Variants in PPM1H observed in about 807,000 individuals in gnomAD.
PPM1H encodes the protein protein phosphatase, Mg2+/Mn2+ dependent 1H.
PPM1H carries 27 observed loss-of-function variants against 54.9 expected under a neutral mutation model. The observed-to-expected ratio is 0.49, with a 90% CI of 0.36 to 0.68. The LOEUF (loss-of-function observed/expected upper bound fraction) is 0.68, where lower values mean the gene tolerates loss of function less well. Ranked by LOEUF, PPM1H falls within the 30% of genes least tolerant of loss-of-function variation. PPM1H has a pLI of 0.00. For missense variants in PPM1H, 596 were observed against 667.8 expected, an observed-to-expected ratio of 0.89 and a Z score of 1.19; for synonymous variants, 305 against 270.8, an observed-to-expected ratio of 1.13 and a Z score of -1.24.
rs760993330 is a variant in PPM1H, at chr12:62,801,890, G to A, written c.682C>T (p.Arg228Cys). The A allele has an allele frequency of 3.1e-6, 5 of 1,613,854 alleles. No homozygotes were observed. Among genetic ancestry groups the A allele is most frequent in the Admixed American group, 1.7e-5 (1 of 60,026 alleles). ...GGAATCTTCTTCTCGGTAAAGAAGC[G>A]TGTGGGGGGCGTGCTGGGGGAGCCC... ...APGSPSTPPT[R>C]FFTEKKIPHE... The change falls in exon 3 of 10, where the codon CGC (arginine) becomes TGC (cysteine). Residue 228 changes from arginine (R) to cysteine (C), a missense_variant. By Grantham distance (180) the Arg-to-Cys change is radical. Coordinates refer to ENST00000228705, the MANE Select transcript of PPM1H (RefSeq NM_020700.2).
rs974539334 is a variant in PPM1H at position 62,644,248 on chromosome 12, G to T, written c.*4241C>A. The T allele has an allele frequency of 2.0e-5, 3 of 152,130 alleles. No individual in the cohort carries two copies. Among genetic ancestry groups the T allele is most frequent in the African/African-American group, 7.2e-5 (3 of 41,418 alleles). 9.4% of individuals were successfully genotyped at this position (152,130 alleles called of 1,614,324 possible). A position where few individuals can be genotyped will look rare whatever the true frequency, so the allele number is the denominator to read the frequency against. ...GTACTAGGGTAGTTTTGGAAACCCA[G>T]ACCATGATCCATTCCTTACAAATGA... On this transcript the variant is annotated 3_prime_UTR_variant, in exon 10 of 10. Coordinates refer to ENST00000228705, the MANE Select transcript of PPM1H (RefSeq NM_020700.2).
At chr12:62,663,536 C>A (rs2075898194) in intron 9 of PPM1H, among the ~76,000 whole-genome samples, 1 of 152,060 alleles carries the variant, frequency 6.6e-6, no homozygotes, top group Non-Finnish European at 1.5e-5. Context: ...CCATGTAGCT[C>A]AAAGGACCGT....
chr12:62,821,422 C>G (rs1188342406), intron 2 of PPM1H, among the ~76,000 whole-genome samples: 1 of 152,084 alleles, frequency 6.6e-6, no homozygotes, highest in Non-Finnish European at 1.5e-5. Flanking sequence ...ATACAGAGAC[C>G]ACCACAAAGA....
At chr12:62,904,292 G>A (rs1028361390) in intron 1 of PPM1H, among the ~76,000 whole-genome samples, 5 of 151,918 alleles carry the variant, frequency 3.3e-5, no homozygotes, top group Non-Finnish European at 2.9e-5. Context: ...AGGCTGGAGT[G>A]CAGTGGCATG....
chr12:62,817,152 T>TAAAAAA (rs2076873724), intron 2 of PPM1H, among the ~76,000 whole-genome samples: 3 of 63,142 alleles, frequency 4.8e-5, no homozygotes, highest in Non-Finnish European at 5.8e-5. Flanking sequence ...AAAAAAAAAC[T>TAAAAAA]AAAAAAAAGA....
chr12:62,898,517 G>C (rs929323327), intron 1 of PPM1H, among the ~76,000 whole-genome samples: 3 of 152,154 alleles, frequency 2.0e-5, no homozygotes, highest in African/African-American at 4.8e-5. Flanking sequence ...CTTACCTTTA[G>C]GGTGGTTTTC....
At chr12:62,753,504 TG>T (rs1384926092) in intron 4 of PPM1H, among the ~76,000 whole-genome samples, 2 of 152,234 alleles carry the variant, frequency 1.3e-5, no homozygotes, top group Non-Finnish European at 2.9e-5. Flanking sequence ...CTACCATGTG[TG>T]GGTCAGATTC....
At chr12:62,855,238 C>A (rs1197359835) in intron 1 of PPM1H, among the ~76,000 whole-genome samples, 3 of 152,092 alleles carry the variant, frequency 2.0e-5, no homozygotes, top group Non-Finnish European at 4.4e-5. Flanking sequence ...ATGTTGGTAA[C>A]CCTCCTTAAA....
intron 1 of PPM1H, among the ~76,000 whole-genome samples, chr12:62,929,471 T>C (rs1359478636): frequency 6.6e-6 from 1 of 152,232 alleles, no homozygotes; most frequent in Non-Finnish European, 1.5e-5. Flanking sequence ...TGAACATTAA[T>C]GTATTTTTAG....
chr12:62,787,787 G>C (rs2076681597), intron 4 of PPM1H, among the ~76,000 whole-genome samples: 1 of 152,218 alleles, frequency 6.6e-6, no homozygotes, highest in Non-Finnish European at 1.5e-5. Flanking sequence ...GGCAACTGCA[G>C]CTTCTAAGGG....
At chr12:62,878,682 G>A (rs1245989911) in intron 1 of PPM1H, among the ~76,000 whole-genome samples, 1 of 140,464 alleles carries the variant, frequency 7.1e-6, no homozygotes, top group Non-Finnish European at 1.5e-5. Context: ...GCTCATGCCT[G>A]TAATCCCAGC....
intron 2 of PPM1H, among the ~76,000 whole-genome samples, chr12:62,805,802 TG>T (rs1211190425): frequency 5.9e-5 from 9 of 152,196 alleles, no homozygotes; most frequent in Non-Finnish European, 1.2e-4. Context: ...TTAGTAACAC[TG>T]TACTGTATAC....
At position 62,688,829 on chromosome 12, in the gene PPM1H, C is replaced by A. The variant is rs144388897; in HGVS notation, c.1245+870G>T. On this transcript the variant is annotated intron_variant, in intron 8 of 9. Coordinates refer to ENST00000228705, the MANE Select transcript of PPM1H (RefSeq NM_020700.2). The stretch of plus-strand genomic sequence containing the variant: ...TAACCAACATAGAGAAACCCTGTCT[C>A]TACTAAAAATACAAAAATTAGCTGG... Among the ~76,000 whole-genome samples, 8 of 152,196 alleles carry A rather than the reference C, an allele frequency of 5.3e-5. No homozygotes were observed. The East Asian group carries it at 1.5e-3, about 29-fold the overall frequency.
chr12:62,712,735 C>T (rs2120430054), intron 6 of PPM1H, among the ~76,000 whole-genome samples: 1 of 152,278 alleles, frequency 6.6e-6, no homozygotes, highest in Admixed American at 6.5e-5. Context: ...GACCCACAGG[C>T]ATGGCCAACA....
At chr12:62,911,498 C>T (rs992141970) in intron 1 of PPM1H, among the ~76,000 whole-genome samples, 18 of 152,214 alleles carry the variant, frequency 1.2e-4, no homozygotes, top group Non-Finnish European at 2.9e-5. Context: ...CATTACCTGA[C>T]AAGTCCGTTT....
chr12:62,708,611 T>G (rs1257853732), intron 6 of PPM1H, among the ~76,000 whole-genome samples: 2 of 152,246 alleles, frequency 1.3e-5, no homozygotes, highest in East Asian at 3.8e-4. Flanking sequence ...CCTACTTCTC[T>G]GGAATTTCCT....
At chr12:62,729,970 T>C (rs1184213138) in intron 5 of PPM1H, among the ~76,000 whole-genome samples, 1 of 152,126 alleles carries the variant, frequency 6.6e-6, no homozygotes, top group Non-Finnish European at 1.5e-5. Flanking sequence ...AAATGGCCTG[T>C]TCCTGCCTTA....
chr12:62,748,425 C>T (rs1266212003), intron 4 of PPM1H, among the ~76,000 whole-genome samples: 6 of 152,052 alleles, frequency 3.9e-5, no homozygotes, highest in Admixed American at 3.9e-4. Flanking sequence ...TTAAAAAAGT[C>T]CTGGGAGTGC....
At chr12:62,777,043 A>C (rs1263981876) in intron 4 of PPM1H, among the ~76,000 whole-genome samples, 3 of 152,220 alleles carry the variant, frequency 2.0e-5, no homozygotes, top group African/African-American at 7.2e-5. Flanking sequence ...CAACATTTAT[A>C]TCACAAAATG....
Sources: allele counts gnomAD v4.1 joint callset (sites outside exome capture counted in the v4.1 genomes callset), GRCh38; gene constraint gnomAD v4.1.1; transcripts MANE v1.5; gene names NCBI Gene and HGNC (gene_info 2026-07-23, HGNC 2026-07-21).